The following COQ8A variants were observed in gnomAD, a reference collection of about 807,000 sequenced individuals.
COQ8A encodes the protein coenzyme Q8A.
COQ8A carries 51 observed loss-of-function variants against 65.0 expected under a neutral mutation model. That is an observed-to-expected ratio of 0.78 (90% CI 0.63 to 0.99). COQ8A has a LOEUF of 0.99. Among genes scored for constraint, COQ8A ranks in the 50% least tolerant of loss-of-function variants. The pLI is 0.00. For synonymous variants in COQ8A, 371 were observed against 353.2 expected (o/e 1.05, Z -0.57); for missense variants, 940 against 875.0 (o/e 1.07, Z -0.94).
At position 226,965,314 on chromosome 1, in the gene COQ8A, C is replaced by T. The variant is rs1314642393; in HGVS notation, c.492C>T (p.His164=). ...SAMGFQRRFF[H]QDQSPVGGLT... ...TGGGCTTTCAGCGAAGGTTCTTCCA[C>T]CAGGACCAATCCCCTGTTGGGGGCC... The change falls in exon 3 of 15, where the codon CAC becomes CAT. Residue 164 remains histidine, a synonymous_variant. Transcript: ENST00000366777. The T allele has an allele frequency of 6.2e-6, 10 of 1,613,728 alleles. No homozygotes were observed. Among genetic ancestry groups the T allele is most frequent in the Admixed American group, 1.7e-5 (1 of 59,984 alleles).
At chr1:226,968,569 T>C (rs1351367135) in intron 4 of COQ8A, among the ~76,000 whole-genome samples, 1 of 152,164 alleles carries the variant, frequency 6.6e-6, no homozygotes, top group African/African-American at 2.4e-5. Context: ...TAGCCTTTCT[T>C]CCCTTCATGG....
intron 1 of COQ8A, among the ~76,000 whole-genome samples, chr1:226,951,465 GATA>G (rs1371018028): frequency 6.6e-6 from 1 of 152,174 alleles, no homozygotes; most frequent in African/African-American, 2.4e-5. Flanking sequence ...CCCTGGCCTG[GATA>G]ATACAGTACC....
Position 226,941,707 on chromosome 1 carries a change from A to C in COQ8A, c.-10+1308A>C, listed in dbSNP as rs1449390579. On this transcript the variant is annotated intron_variant, in intron 1 of 14. Transcript: ENST00000366777. ...GGAGAATTGCTTGAACCTGGGAGGC[A>C]GAGGTTGCAGTGAGCCAAGATGGCG... Among the ~76,000 whole-genome samples, 8 of 151,736 alleles carry C rather than the reference A, an allele frequency of 5.3e-5. No homozygotes were observed. In the East Asian group the frequency reaches 1.6e-3, roughly 29 times the overall value.
intron 14 of COQ8A, 137 bp from the exon 15 acceptor site, chr1:226,986,316 G>A: frequency 2.0e-6 from 2 of 979,460 alleles, no homozygotes; most frequent in Non-Finnish European, 3.1e-6. Flanking sequence ...TTGAGTTTAT[G>A]CCCATTACCA....
intron 5 of COQ8A, among the ~76,000 whole-genome samples, chr1:226,978,408 T>A: frequency 1.1e-5 from 1 of 90,842 alleles, no homozygotes; most frequent in Middle Eastern, 0.011. Flanking sequence ...CCCGCACACC[T>A]TGCACACCCT....
At chr1:226,982,532 T>C (rs944151435) in intron 6 of COQ8A, 146 bp from the exon 7 acceptor site, 32 of 891,632 alleles carry the variant, frequency 3.6e-5, no homozygotes, top group Middle Eastern at 3.2e-4. Context: ...AGGGCGTGTG[T>C]GCGAGGGCTC....
At chr1:226,957,791 T>C (rs908330799) in intron 1 of COQ8A, among the ~76,000 whole-genome samples, 1 of 152,166 alleles carries the variant, frequency 6.6e-6, no homozygotes. Flanking sequence ...TGTCTTTTGG[T>C]TTTGGAGACT....
At chr1:226,966,252 G>C (rs369778950) in intron 4 of COQ8A, among the ~76,000 whole-genome samples, 2 of 152,246 alleles carry the variant, frequency 1.3e-5, no homozygotes, top group African/African-American at 4.8e-5. Flanking sequence ...ATGGCCTCCA[G>C]CTGCTGCTGT....
intron 2 of COQ8A, 130 bp from the exon 3 acceptor site, chr1:226,964,870 C>T: frequency 9.3e-7 from 1 of 1,075,468 alleles, no homozygotes; most frequent in South Asian, 1.3e-5. Context: ...TCAGGTGCAG[C>T]ACTGTGCCAC....
chr1:226,950,021 G>A (rs139555611), intron 1 of COQ8A, among the ~76,000 whole-genome samples: 22 of 152,318 alleles, frequency 1.4e-4, no homozygotes, highest in African/African-American at 3.6e-4. Flanking sequence ...GTTTTAAGCA[G>A]TAAACTTCAC....
chr1:226,976,514 A>T (rs1659245040), intron 4 of COQ8A, among the ~76,000 whole-genome samples: 1 of 152,096 alleles, frequency 6.6e-6, no homozygotes, highest in South Asian at 2.1e-4. Context: ...CTCTGGTCTC[A>T]GCCCTGCCGG....
chr1:226,967,855 T>A (rs1448062512), intron 4 of COQ8A, among the ~76,000 whole-genome samples: 1 of 152,210 alleles, frequency 6.6e-6, no homozygotes, highest in Non-Finnish European at 1.5e-5. Flanking sequence ...CTCATGTTGT[T>A]GCCCAAGCAA....
intron 1 of COQ8A, among the ~76,000 whole-genome samples, chr1:226,950,104 G>A (rs1657283135): frequency 6.6e-6 from 1 of 152,222 alleles, no homozygotes; most frequent in Admixed American, 6.5e-5. Flanking sequence ...AAAGCCTTGT[G>A]TGTCATCGGC....
At chr1:226,958,877 T>C (rs569384804) in intron 1 of COQ8A, among the ~76,000 whole-genome samples, 5 of 152,026 alleles carry the variant, frequency 3.3e-5, no homozygotes, top group Non-Finnish European at 5.9e-5. Context: ...CAGGAAGAAG[T>C]AGGGTAGGTG....
intron 5 of COQ8A, 81 bp downstream of exon 5, chr1:226,977,604 C>T (rs1659320064): frequency 1.4e-6 from 2 of 1,455,116 alleles, no homozygotes; most frequent in Non-Finnish European, 1.9e-6. Flanking sequence ...CACCTGTGCT[C>T]TGGGAGTGTC....
At position 226,986,853 on chromosome 1, in the gene COQ8A, T is replaced by TG; in HGVS notation, c.*118dup. 1 of 1,335,302 alleles carries TG rather than the reference T, an allele frequency of 7.5e-7. No individual in the cohort carries two copies. Among genetic ancestry groups the TG allele is most frequent in the South Asian group, 1.3e-5 (1 of 78,052 alleles). The allele number at this position is 1,335,302 out of a possible 1,614,324, so 82.7% of individuals were successfully genotyped here. On this transcript the variant is annotated 3_prime_UTR_variant, in exon 15 of 15. Transcript: ENST00000366777. ...TAACTCCTTTGCCCAATAAGGGGGG[T>TG]GGCTGCCTGGAGCCCCGTAGCCAGC...
chr1:226,985,589 A>C (rs913975186), intron 14 of COQ8A, among the ~76,000 whole-genome samples: 5 of 152,134 alleles, frequency 3.3e-5, no homozygotes, highest in African/African-American at 1.2e-4. Context: ...ACTCTTGCCC[A>C]CTTAGGGCTT....
chr1:226,956,694 A>G (rs1323198015), intron 1 of COQ8A, among the ~76,000 whole-genome samples: 3 of 75,054 alleles, frequency 4.0e-5, no homozygotes, highest in African/African-American at 1.7e-4. Flanking sequence ...CCTGGCTCCC[A>G]CTCTCCCTGG....
rs780419940 is a variant in COQ8A at position 226,983,514 on chromosome 1, C to T, written c.1081-38C>T. 5 of 1,596,776 alleles carry T rather than the reference C, an allele frequency of 3.1e-6. No individual in the cohort carries two copies. The East Asian group carries it at 6.7e-5, about 21-fold the overall frequency. On this transcript the variant is annotated intron_variant, in intron 8 of 14. Coordinates refer to ENST00000366777, the MANE Select transcript of COQ8A (RefSeq NM_020247.5). Reference sequence around the variant, plus strand: ...GCCCCAGGCAGGGCCCACCCGTCTCCCTGGGCTAACTCCCCTGCCTCACCC... The same window carrying T: ...GCCCCAGGCAGGGCCCACCCGTCTCTCTGGGCTAACTCCCCTGCCTCACCC...
Sources: allele counts gnomAD v4.1 joint callset (sites outside exome capture counted in the v4.1 genomes callset), GRCh38; gene constraint gnomAD v4.1.1; transcripts MANE v1.5; gene names NCBI Gene and HGNC (gene_info 2026-07-23, HGNC 2026-07-21).